The following RNF38 variants were observed in gnomAD, a reference collection of about 807,000 sequenced individuals.
RNF38 encodes the protein E3 ubiquitin-protein ligase RNF38.
Under a neutral mutation model 67.2 loss-of-function variants are expected in RNF38, and 15 were observed. That is an observed-to-expected ratio of 0.22 (90% CI 0.15 to 0.34). The LOEUF is 0.34. Among genes scored for constraint, RNF38 ranks in the 10% least tolerant of loss-of-function variants. RNF38 has a pLI of 1.00. For synonymous variants in RNF38, 220 were observed against 218.8 expected (o/e 1.01, Z -0.05); for missense variants, 524 against 639.9 (o/e 0.82, Z 1.95).
At chr9:36,355,648 C>A (rs955778579) in intron 6 of RNF38, among the ~76,000 whole-genome samples, 3 of 151,348 alleles carry the variant, frequency 2.0e-5, no homozygotes, top group Middle Eastern at 3.4e-3. Flanking sequence ...AAGAAAAAAA[C>A]AATACAACTA....
Position 36,336,942 on chromosome 9 carries a change from G to A in RNF38, c.*2810C>T, listed in dbSNP as rs540757371. 2.0e-5 allele frequency: 3 copies of A among 152,198 alleles called. No individual in the cohort carries two copies. The South Asian group carries it at 6.2e-4, about 32-fold the overall frequency. The allele number at this position is 152,198 out of a possible 1,614,324, so 9.4% of individuals were successfully genotyped here. A position where few individuals can be genotyped will look rare whatever the true frequency, so the allele number is the denominator to read the frequency against. Reference sequence around the variant, plus strand: ...TTAAGGACAGAAAATCCTAATATGAGATCTTGATACCTGGAGGCCTTATTT... The same window carrying A: ...TTAAGGACAGAAAATCCTAATATGAAATCTTGATACCTGGAGGCCTTATTT... On this transcript the variant is annotated 3_prime_UTR_variant, in exon 12 of 12. Transcript: ENST00000259605.
intron 2 of RNF38, among the ~76,000 whole-genome samples, chr9:36,407,156 T>C (rs774480852): frequency 2.6e-5 from 4 of 152,224 alleles, no homozygotes; most frequent in African/African-American, 9.6e-5. Flanking sequence ...CACCCAGAAA[T>C]GTTAACACAA....
At chr9:36,426,078 G>A (rs1838762826) in intron 1 of RNF38, among the ~76,000 whole-genome samples, 1 of 152,150 alleles carries the variant, frequency 6.6e-6, no homozygotes, top group Non-Finnish European at 1.5e-5. Flanking sequence ...AGGATCACCT[G>A]CTTATTTACT....
At chr9:36,372,227 C>T (rs778475048) in intron 3 of RNF38, among the ~76,000 whole-genome samples, 44 of 152,348 alleles carry the variant, frequency 2.9e-4, no homozygotes, top group Non-Finnish European at 4.1e-4. Flanking sequence ...CCGCGCCCAG[C>T]TGAATGAACT....
At chr9:36,345,510 A>G (rs1167462320) in intron 9 of RNF38, among the ~76,000 whole-genome samples, 1 of 152,038 alleles carries the variant, frequency 6.6e-6, no homozygotes, top group Non-Finnish European at 1.5e-5. Context: ...GCCAGTTAAC[A>G]CCCCCTAGCT....
At chr9:36,484,338 C>T (rs76312668) in intron 1 of RNF38, among the ~76,000 whole-genome samples, 4,035 of 152,054 alleles carry the variant, frequency 0.027, 156 homozygotes, top group Admixed American at 0.11. Context: ...CAGAAAGGGG[C>T]GAAAAAGGAT....
At chr9:36,462,266 T>C (rs10972918) in intron 1 of RNF38, among the ~76,000 whole-genome samples, 51,012 of 151,996 alleles carry the variant, frequency 0.34, 8,797 homozygotes, top group Non-Finnish European at 0.39. Context: ...CCAACCAGCC[T>C]GTATGCAACT....
chr9:36,368,576 G>C (rs1388547940), intron 4 of RNF38, among the ~76,000 whole-genome samples: 1 of 152,092 alleles, frequency 6.6e-6, no homozygotes, highest in Non-Finnish European at 1.5e-5. Context: ...CAAAAATTGT[G>C]TTTTTCAGTA....
Position 36,357,793 on chromosome 9 carries a change from G to C in RNF38, c.720C>G (p.Val240=). The C allele has an allele frequency of 6.2e-7, 1 of 1,613,642 alleles. No homozygotes were observed. The highest frequency in any genetic ancestry group is 8.5e-7 in the Non-Finnish European group (1 of 1,179,770). Reference sequence around the variant, plus strand: ...GACTTACTGGAGGAGGCACACTACAGACAGGGAGGTGCTGTCCACTGAAAA... The same window carrying C: ...GACTTACTGGAGGAGGCACACTACACACAGGGAGGTGCTGTCCACTGAAAA... The part of the protein sequence containing the change: ...SVVFSGQHLP[V]CSVPPPMLQA... Residue 240 remains valine, a synonymous_variant, in exon 5 of 12, where the codon GTC becomes GTG. Coordinates refer to ENST00000259605, the MANE Select transcript of RNF38 (RefSeq NM_022781.5).
intron 2 of RNF38, among the ~76,000 whole-genome samples, chr9:36,408,329 T>C (rs891661488): frequency 1.3e-5 from 2 of 151,440 alleles, no homozygotes; most frequent in Non-Finnish European, 2.9e-5. Flanking sequence ...GCAATTTTTA[T>C]TCAAAGCAAA....
At chr9:36,411,157 C>CAA (rs199916194) in intron 2 of RNF38, among the ~76,000 whole-genome samples, 12 of 67,622 alleles carry the variant, frequency 1.8e-4, no homozygotes, top group Admixed American at 3.3e-4. Flanking sequence ...AACTGAACAG[C>CAA]AAAAAAAAAA....
intron 1 of RNF38, among the ~76,000 whole-genome samples, chr9:36,443,857 T>C (rs1041006058): frequency 1.2e-4 from 19 of 152,060 alleles, no homozygotes; most frequent in African/African-American, 4.3e-4. Flanking sequence ...ACACAGAAGA[T>C]AGGTGTTGCA....
At chr9:36,399,341 G>T (rs1224792639) in intron 1 of RNF38, among the ~76,000 whole-genome samples, 1 of 151,916 alleles carries the variant, frequency 6.6e-6, no homozygotes, top group African/African-American at 2.4e-5. Context: ...CGAGTCTGTG[G>T]CAGAACTTAT....
At chr9:36,435,572 G>A (rs1839042674) in intron 1 of RNF38, among the ~76,000 whole-genome samples, 1 of 151,452 alleles carries the variant, frequency 6.6e-6, no homozygotes, top group Non-Finnish European at 1.5e-5. Flanking sequence ...ATCAGTACTG[G>A]TTCTTAAATG....
intron 2 of RNF38, among the ~76,000 whole-genome samples, chr9:36,413,158 G>T (rs1310754742): frequency 2.6e-5 from 4 of 151,628 alleles, no homozygotes; most frequent in Non-Finnish European, 5.9e-5. Flanking sequence ...GAACCTGGGG[G>T]GGCAGAAGTT....
intron 9 of RNF38, among the ~76,000 whole-genome samples, chr9:36,349,397 T>A (rs1833530322): frequency 6.6e-6 from 1 of 152,208 alleles, no homozygotes; most frequent in Admixed American, 6.5e-5. Context: ...CACCTTTTCA[T>A]ATACCTGGTT....
rs563306584 is a variant in RNF38 at position 36,349,265 on chromosome 9, G to A, written c.1263+1850C>T. Among the ~76,000 whole-genome samples the A allele has an allele frequency of 2.0e-5, 3 of 152,188 alleles. No individual in the cohort carries two copies. In the South Asian group the frequency reaches 6.2e-4, roughly 32 times the overall value. ...TCACTCTGCAGCCCATGGAATAAAGGATTCTCTTTTCTCTAGATTCTTGCC... is the reference window on the plus strand; with the variant it reads ...TCACTCTGCAGCCCATGGAATAAAGAATTCTCTTTTCTCTAGATTCTTGCC... On this transcript the variant is annotated intron_variant, in intron 9 of 11. Coordinates refer to ENST00000259605, the MANE Select transcript of RNF38 (RefSeq NM_022781.5).
chr9:36,349,013 TC>T (rs781685543), intron 9 of RNF38, among the ~76,000 whole-genome samples: 8 of 152,208 alleles, frequency 5.3e-5, no homozygotes, highest in Non-Finnish European at 1.0e-4. Context: ...AAGCCAATAA[TC>T]ATCTGCCATT....
At position 36,339,594 on chromosome 9, in the gene RNF38, A is replaced by G. The variant is rs919097121; in HGVS notation, c.*158T>C. On this transcript the variant is annotated 3_prime_UTR_variant, in exon 12 of 12. Transcript: ENST00000259605. The stretch of plus-strand genomic sequence containing the variant: ...TCCCATAACTGTGAAGACTAATTGT[A>G]AGCTTTTATAGTTGATTAAGTCACA... 1.0e-5 allele frequency: 6 copies of G among 592,924 alleles called. No homozygotes were observed. The highest frequency in any genetic ancestry group is 7.4e-5 in the African/African-American group (4 of 53,940). The allele number at this position is 592,924 out of a possible 1,614,324, so 36.7% of individuals were successfully genotyped here. A position where few individuals can be genotyped will look rare whatever the true frequency, so the allele number is the denominator to read the frequency against.
Sources: allele counts gnomAD v4.1 joint callset (sites outside exome capture counted in the v4.1 genomes callset), GRCh38; gene constraint gnomAD v4.1.1; transcripts MANE v1.5; gene names NCBI Gene and HGNC (gene_info 2026-07-23, HGNC 2026-07-21).